Variants in C1orf146 observed in about 807,000 individuals in gnomAD.
C1orf146 encodes the protein protein SPO16 homolog.
Under a neutral mutation model 23.0 loss-of-function variants are expected in C1orf146, and 22 were observed. The ratio of observed to expected loss-of-function variants is 0.96; its 90% CI spans 0.68 to 1.36. The LOEUF (loss-of-function observed/expected upper bound fraction) is 1.36, where lower values mean the gene tolerates loss of function less well. C1orf146 is among the 40% of genes most tolerant of loss of function. C1orf146 has a pLI of 0.00. For missense variants in C1orf146, 199 were observed against 206.8 expected (o/e 0.96, Z 0.23); for synonymous variants, 59 against 65.3 (o/e 0.90, Z 0.47).
At chr1:92,245,394 ACTACT>A (rs1183004412) in intron 5 of C1orf146, 141 bp from the exon 6 acceptor site, 11 of 596,082 alleles carry the variant, frequency 1.8e-5, no homozygotes, top group Non-Finnish European at 2.9e-5. Flanking sequence ...TTTCCTGTTG[ACTACT>A]CTAGTAACTC....
chr1:92,218,533 A>G (rs963058001), intron 1 of C1orf146, among the ~76,000 whole-genome samples: 4 of 152,094 alleles, frequency 2.6e-5, no homozygotes, highest in African/African-American at 9.7e-5. Context: ...TTAAGAGGCC[A>G]CTGGGCCCAC....
chr1:92,234,087 T>C (rs998156990), intron 2 of C1orf146, among the ~76,000 whole-genome samples: 9 of 152,202 alleles, frequency 5.9e-5, no homozygotes, highest in Admixed American at 1.3e-4. Context: ...CTTTTCCTAA[T>C]TGAATAGCCT....
chr1:92,235,803 G>A (rs1011798373), intron 2 of C1orf146, among the ~76,000 whole-genome samples: 5 of 152,108 alleles, frequency 3.3e-5, no homozygotes, highest in Non-Finnish European at 5.9e-5. Flanking sequence ...CCTGTATTGG[G>A]TGCATATATA....
chr1:92,242,455 G>A, intron 3 of C1orf146, 150 bp downstream of exon 3: 1 of 389,606 alleles, frequency 2.6e-6, no homozygotes. Context: ...CAGTCCATAT[G>A]GCCAATTCCA....
At chr1:92,232,748 C>A (rs997433717) in intron 2 of C1orf146, among the ~76,000 whole-genome samples, 13 of 150,448 alleles carry the variant, frequency 8.6e-5, no homozygotes, top group African/African-American at 2.9e-4. Flanking sequence ...GTTCCTATTT[C>A]TCCACATCCT....
chr1:92,242,847 A>C (rs1304120630), intron 3 of C1orf146, among the ~76,000 whole-genome samples: 4 of 152,182 alleles, frequency 2.6e-5, no homozygotes, highest in African/African-American at 7.2e-5. Flanking sequence ...GGGGAGGTCC[A>C]CCTGTGCTTG....
In C1orf146 at chr1:92,245,603, A is replaced by C. The variant is rs1309235439; in HGVS notation, c.472A>C (p.Ile158Leu). Residue 158 changes from isoleucine to leucine, a missense_variant, in exon 6 of 6, where the codon ATT becomes CTT. Transcript: ENST00000370375. Reference sequence around the variant, plus strand: ...AATGATAACAGCTAAAGCTTACATCATTGAGCAAAGTCCTGTTTGGAAAAC... The same window carrying C: ...AATGATAACAGCTAAAGCTTACATCCTTGAGCAAAGTCCTGTTTGGAAAAC... ...YRMITAKAYI[I>L]EQSPVWKTLQ... The C allele has an allele frequency of 1.9e-6, 3 of 1,601,482 alleles. No individual in the cohort carries two copies. Among genetic ancestry groups the C allele is most frequent in the Non-Finnish European group, 2.6e-6 (3 of 1,175,250 alleles).
chr1:92,245,650 T>C lies in C1orf146; in HGVS notation c.519T>C (p.Asn173=). ...AAACACTTCAGAAGATAAAACTGAATAGTGATTCAGTTAACCCAAATTAGA... is the reference window on the plus strand; with the variant it reads ...AAACACTTCAGAAGATAAAACTGAACAGTGATTCAGTTAACCCAAATTAGA... ...VWKTLQKIKL[N]SDSVNPN is the part of the protein sequence containing the mutation. The change falls in exon 6 of 6, where the codon AAT becomes AAC. Residue 173 remains asparagine, a synonymous_variant. Coordinates refer to ENST00000370375, the MANE Select transcript of C1orf146 (RefSeq NM_001012425.2). 1 of 1,588,730 alleles carries C rather than the reference T, an allele frequency of 6.3e-7. No homozygotes were observed.
intron 1 of C1orf146, among the ~76,000 whole-genome samples, chr1:92,218,951 G>T (rs973670006): frequency 6.6e-6 from 1 of 152,148 alleles, no homozygotes; most frequent in African/African-American, 2.4e-5. Context: ...CTTGGGACAC[G>T]ACTGACCCCA....
chr1:92,230,717 C>G (rs1652099087), intron 1 of C1orf146, among the ~76,000 whole-genome samples: 1 of 151,924 alleles, frequency 6.6e-6, no homozygotes, highest in South Asian at 2.1e-4. Context: ...GAGTTTGAGG[C>G]TAGGATCGCA....
chr1:92,219,858 A>C (rs1260929488), intron 1 of C1orf146, among the ~76,000 whole-genome samples: 1 of 151,828 alleles, frequency 6.6e-6, no homozygotes, highest in African/African-American at 2.4e-5. Context: ...TATATACATA[A>C]ATTTTTTGGA....
At position 92,245,782 on chromosome 1, in the gene C1orf146, C is replaced by T; in HGVS notation, c.*108C>T. ...CATTTATATTAATTTGAAATAATAA[C>T]ATATACAATTAAAAGTGATTTTATT... On this transcript the variant is annotated 3_prime_UTR_variant, in exon 6 of 6. Coordinates refer to ENST00000370375, the MANE Select transcript of C1orf146 (RefSeq NM_001012425.2). 1.5e-6 allele frequency: 1 copy of T among 687,036 alleles called. No homozygotes were observed. Among genetic ancestry groups the T allele is most frequent in the Non-Finnish European group, 2.3e-6 (1 of 444,112 alleles). The allele number at this position is 687,036 out of a possible 1,614,324, so 42.6% of individuals were successfully genotyped here.
intron 1 of C1orf146, among the ~76,000 whole-genome samples, chr1:92,219,461 A>AT (rs1460952222): frequency 6.7e-6 from 1 of 149,886 alleles, no homozygotes; most frequent in Non-Finnish European, 1.5e-5. Context: ...CTTGGGAGAT[A>AT]CTAACTTACC....
At chr1:92,236,642 C>G (rs1570795031) in intron 2 of C1orf146, among the ~76,000 whole-genome samples, 1 of 152,072 alleles carries the variant, frequency 6.6e-6, no homozygotes, top group South Asian at 2.1e-4. Flanking sequence ...TTTCCTGAAT[C>G]TGAATGTTGG....
intron 3 of C1orf146, 124 bp from the exon 4 acceptor site, chr1:92,244,093 T>G (rs1422940376): frequency 1.6e-6 from 1 of 632,328 alleles, no homozygotes. Context: ...GTACTTTCTA[T>G]TCCTTATGAG....
chr1:92,228,012 G>A (rs541033642), intron 1 of C1orf146, among the ~76,000 whole-genome samples: 1 of 152,146 alleles, frequency 6.6e-6, no homozygotes, highest in Admixed American at 6.5e-5. Context: ...TCAGACTTCA[G>A]TTATCTCTCT....
At chr1:92,221,255 T>TCA (rs1245558100) in intron 1 of C1orf146, among the ~76,000 whole-genome samples, 1 of 152,156 alleles carries the variant, frequency 6.6e-6, no homozygotes, top group Non-Finnish European at 1.5e-5. Flanking sequence ...CCACATGCTC[T>TCA]CACTTATAAG....
At chr1:92,232,602 T>C (rs1263294840) in intron 2 of C1orf146, among the ~76,000 whole-genome samples, 2 of 152,176 alleles carry the variant, frequency 1.3e-5, no homozygotes, top group Admixed American at 1.3e-4. Context: ...CAGCATGATT[T>C]ATAGTCCTTT....
chr1:92,218,030 C>T lies in C1orf146; in HGVS notation c.-58C>T, dbSNP rs1282126534. 1 of 152,314 alleles carries T rather than the reference C, an allele frequency of 6.6e-6. No homozygotes were observed. Among genetic ancestry groups the T allele is most frequent in the African/African-American group, 2.4e-5 (1 of 41,478 alleles). The allele number at this position is 152,314 out of a possible 1,614,324, so 9.4% of individuals were successfully genotyped here. A position where few individuals can be genotyped will look rare whatever the true frequency, so the allele number is the denominator to read the frequency against. On this transcript the variant is annotated 5_prime_UTR_variant, in exon 1 of 6. Coordinates refer to ENST00000370375, the MANE Select transcript of C1orf146 (RefSeq NM_001012425.2). ...AAGTTTGGGAAACCCTGAGCGGTCT[C>T]TGAGGACCTGGTGAGCAGGTGGGTT...
Sources: gnomAD v4.1 joint callset for allele counts (sites outside exome capture counted in the v4.1 genomes callset) on GRCh38, gnomAD v4.1.1 for gene constraint, MANE v1.5 for transcripts, NCBI Gene and HGNC (gene_info 2026-07-23, HGNC 2026-07-21) for gene names.